EIF4G2: variants seen among roughly 807,000 people sequenced by gnomAD.
EIF4G2 encodes the protein eukaryotic translation initiation factor 4 gamma 2, also known as DAP-5.
A neutral mutation model predicts 117.7 loss-of-function variants in EIF4G2; 8 were observed. That is an observed-to-expected ratio of 0.07 (90% CI 0.04 to 0.12). The LOEUF (loss-of-function observed/expected upper bound fraction) is 0.12. Ranked by LOEUF, EIF4G2 falls within the 10% of genes least tolerant of loss-of-function variation. The pLI is 1.00. For synonymous variants in EIF4G2, 413 were observed against 367.8 expected, an observed-to-expected ratio of 1.12 and a Z score of -1.41; for missense variants, 812 against 1,086.2, an observed-to-expected ratio of 0.75 and a Z score of 3.55.
intron 21 of EIF4G2, among the ~76,000 whole-genome samples, chr11:10,798,094 CTTGT>C (rs1415418211): frequency 6.6e-6 from 1 of 152,190 alleles, no homozygotes; most frequent in East Asian, 1.9e-4. Flanking sequence ...CCTCGTGAAT[CTTGT>C]TTATCATCAG....
intron 5 of EIF4G2, 105 bp from the exon 6 acceptor site, chr11:10,804,523 A>C (rs1847505773): frequency 2.1e-6 from 3 of 1,402,506 alleles, no homozygotes; most frequent in Non-Finnish European, 2.9e-6. Flanking sequence ...AGTCTACCAA[A>C]AATGTCCAGT....
At position 10,804,922 on chromosome 11, in the gene EIF4G2, G is replaced by A. The variant is rs1323308525; in HGVS notation, c.342C>T (p.Val114=). The change falls in exon 5 of 22, where the codon GTC becomes GTT. Residue 114 remains valine (V), a synonymous_variant. Transcript: ENST00000339995. ...AATATTTAAAACTTACCAGCAGTAT[G>A]ACCCCTTTAAGGATGAGTTTAGACT... 1 of 1,613,336 alleles carries A rather than the reference G, an allele frequency of 6.2e-7. No individual in the cohort carries two copies. The highest frequency in any genetic ancestry group is 8.5e-7 in the Non-Finnish European group (1 of 1,179,362).
In EIF4G2 at chr11:10,799,224, T is replaced by C. The variant is rs779503212; in HGVS notation, c.2525A>G (p.Asn842Ser). 1.9e-6 allele frequency: 3 copies of C among 1,614,024 alleles called. No homozygotes were observed. The highest frequency in any genetic ancestry group is 2.5e-6 in the Non-Finnish European group (3 of 1,180,002). Residue 842 changes from asparagine (N) to serine (S), a missense_variant, in exon 20 of 22, where the codon AAC (asparagine) becomes AGC (serine). Asn to Ser is a conservative substitution (Grantham distance 46). Coordinates refer to ENST00000339995, the MANE Select transcript of EIF4G2 (RefSeq NM_001418.4). ...ACAAGTCCTCTCACCTTTTGGGAAGTTGCTGTTATAGCAGTGCACCTGGAG... is the reference window on the plus strand; with the variant it reads ...ACAAGTCCTCTCACCTTTTGGGAAGCTGCTGTTATAGCAGTGCACCTGGAG...
At chr11:10,806,111 C>T (rs752387387) in intron 3 of EIF4G2, 64 bp from the exon 4 acceptor site, 7 of 1,600,654 alleles carry the variant, frequency 4.4e-6, no homozygotes, top group Non-Finnish European at 6.0e-6. Flanking sequence ...ATCATAAATT[C>T]TCTTACATAG....
At position 10,797,709 on chromosome 11, in the gene EIF4G2, T is replaced by C. The variant is rs1336510504; in HGVS notation, c.*107A>G. On this transcript the variant is annotated 3_prime_UTR_variant, in exon 22 of 22. Transcript: ENST00000339995. This position sits in a 1 kb window ranked among gnomAD's most constrained non-coding sequence, Gnocchi z 4.5. ...CTAACTGACGTGCTTCTGCTTTAAA[T>C]ATTGTGAAAACATTACAGCGGAATG... is the stretch of plus-strand genomic sequence containing the variant. 1.2e-5 allele frequency: 14 copies of C among 1,200,554 alleles called. No homozygotes were observed. Among genetic ancestry groups the C allele is most frequent in the Non-Finnish European group, 1.7e-5 (14 of 825,964 alleles). 74.4% of individuals were successfully genotyped at this position (1,200,554 alleles called of 1,614,324 possible). A position where few individuals can be genotyped will look rare whatever the true frequency, so the allele number is the denominator to read the frequency against.
At position 10,803,421 on chromosome 11, in the gene EIF4G2, A is replaced by G; in HGVS notation, c.813+59T>C. ...GGCAATCCCTTATGATGTCACAAAA[A>G]TCAATAGCTTGATTTAAAGACAAAC... On this transcript the variant is annotated intron_variant, in intron 9 of 21. Transcript: ENST00000339995. The surrounding 1 kb of genome is among the most constrained non-coding windows in gnomAD (Gnocchi z 4.0). The G allele has an allele frequency of 6.3e-7, 1 of 1,577,422 alleles. No homozygotes were observed. The highest frequency in any genetic ancestry group is 1.7e-5 in the Admixed American group (1 of 59,276).
intron 3 of EIF4G2, chr11:10,806,295 T>C (rs1847566696): frequency 3.7e-6 from 2 of 540,712 alleles, no homozygotes; most frequent in African/African-American, 3.8e-5. Flanking sequence ...AGAATTTGCA[T>C]GTCTAGTAAA....
At chr11:10,806,538 TAACA>T (rs1300969668) in intron 3 of EIF4G2, 1 of 412,550 alleles carries the variant, frequency 2.4e-6, no homozygotes, top group Non-Finnish European at 4.4e-6. Flanking sequence ...ACTTTACTAA[TAACA>T]ATCAGTAGGA....
intron 1 of EIF4G2, chr11:10,808,282 C>A: frequency 8.2e-7 from 1 of 1,217,426 alleles, no homozygotes; most frequent in Non-Finnish European, 1.0e-6. Flanking sequence ...CACACCTCCC[C>A]GCCGGGAGGC....
chr11:10,804,548 C>G, intron 5 of EIF4G2, 130 bp from the exon 6 acceptor site: 1 of 1,170,518 alleles, frequency 8.5e-7, no homozygotes, highest in South Asian at 1.7e-5. Context: ...CAGATTTCAT[C>G]TAGTCACATC....
Position 10,800,598 on chromosome 11 carries a change from A to G in EIF4G2, c.1694T>C (p.Val565Ala). Residue 565 changes from valine to alanine, a missense_variant, in exon 17 of 22, where the codon GTC (valine) becomes GCC (alanine). Physicochemically the swap from Val to Ala is moderately conservative, Grantham distance 64. This residue lies in a region of EIF4G2 where 571 missense variants were observed against 642.3 expected (regional missense o/e 0.89). Transcript: ENST00000339995. ...AGCCCTCATTTCTCTTACACCATTG[A>G]CAGCCTCATTTGCATTTCCACTATT... The G allele has an allele frequency of 1.9e-6, 3 of 1,614,188 alleles. No homozygotes were observed. Among genetic ancestry groups the G allele is most frequent in the Non-Finnish European group, 1.7e-6 (2 of 1,180,038 alleles).
chr11:10,805,166 C>T, intron 4 of EIF4G2, 151 bp from the exon 5 acceptor site: 1 of 653,884 alleles, frequency 1.5e-6, no homozygotes. Flanking sequence ...CAAAGGGATG[C>T]TGAAATAAAC....
intron 14 of EIF4G2, 149 bp downstream of exon 14, chr11:10,801,512 C>G (rs1564982156): frequency 2.4e-6 from 2 of 842,068 alleles, no homozygotes; most frequent in Admixed American, 1.7e-5. Context: ...GCTGGACATT[C>G]AAAGAAAGAA....
At chr11:10,806,225 G>GTT in intron 3 of EIF4G2, 178 bp from the exon 4 acceptor site, 1 of 817,662 alleles carries the variant, frequency 1.2e-6, no homozygotes, top group South Asian at 1.9e-5. Context: ...TGAAGGGCTT[G>GTT]TTAATACAGA....
At chr11:10,801,875 C>T (rs1316520552) in intron 13 of EIF4G2, 101 bp from the exon 14 acceptor site, 5 of 1,246,418 alleles carry the variant, frequency 4.0e-6, no homozygotes, top group African/African-American at 1.5e-5. Flanking sequence ...GTTAGTTTAA[C>T]TGAATTTGCC....
intron 1 of EIF4G2, 104 bp downstream of exon 1, chr11:10,808,601 C>T: frequency 2.6e-6 from 2 of 764,380 alleles, no homozygotes; most frequent in Non-Finnish European, 3.4e-6. Flanking sequence ...TCGCCCCACC[C>T]GGCTCCGCCT....
At chr11:10,802,630 G>A (rs543062460) in intron 11 of EIF4G2, among the ~76,000 whole-genome samples, 195 bp from the exon 12 acceptor site, 3 of 152,326 alleles carry the variant, frequency 2.0e-5, no homozygotes, top group African/African-American at 7.2e-5. Context: ...ACTTTGGGAG[G>A]CCCAAGCCTT....
chr11:10,807,833 A>G (rs1011426590), intron 1 of EIF4G2: 2 of 989,870 alleles, frequency 2.0e-6, no homozygotes, highest in African/African-American at 3.5e-5. Flanking sequence ...CCCCGTGGAG[A>G]GCTCGTGGAA....
Position 10,798,992 on chromosome 11 carries a change from C to T in EIF4G2, c.2658G>A (p.Gln886=), listed in dbSNP as rs773622044. 1 of 1,593,718 alleles carries T rather than the reference C, an allele frequency of 6.3e-7. No individual in the cohort carries two copies. The highest frequency in any genetic ancestry group is 8.5e-7 in the Non-Finnish European group (1 of 1,174,872). Residue 886 remains glutamine (Q), a splice_region_variant and synonymous_variant, in exon 21 of 22, where the codon CAG becomes CAA. Coordinates refer to ENST00000339995, the MANE Select transcript of EIF4G2 (RefSeq NM_001418.4). ...ACCAAATTTTTAACAAAAGACTTAC[C>T]TGGAACAAAGCCTTGCCTTTTCCCG...
Sources: allele counts gnomAD v4.1 joint callset (sites outside exome capture counted in the v4.1 genomes callset), GRCh38; gene constraint gnomAD v4.1.1; regional missense constraint gnomAD v4.1.1; non-coding constraint Gnocchi (gnomAD v3.1); transcripts MANE v1.5; gene names NCBI Gene and HGNC (gene_info 2026-07-23, HGNC 2026-07-21).